Variants in LY9 observed in about 807,000 individuals in gnomAD.
The protein encoded by LY9 is lymphocyte antigen 9.
In LY9, 59 loss-of-function variants were observed where a neutral mutation model predicts 64.6. The ratio of observed to expected loss-of-function variants is 0.91; its 90% CI spans 0.74 to 1.13. LY9 has a LOEUF of 1.13. Among genes scored for constraint, LY9 ranks in the 50% most tolerant of loss-of-function variants. The probability of loss-of-function intolerance (pLI) is 0.00; values close to 1 mark genes in which losing one functional copy is unlikely to be tolerated. For synonymous variants in LY9, 281 were observed against 308.5 expected, an observed-to-expected ratio of 0.91 and a Z score of 0.93; for missense variants, 789 against 797.2, an observed-to-expected ratio of 0.99 and a Z score of 0.12.
At chr1:160,814,986 A>G in intron 4 of LY9, 1 of 566,702 alleles carries the variant, frequency 1.8e-6, no homozygotes. Flanking sequence ...CTAGGCTGCC[A>G]GTTAGGCCTC....
Position 160,827,742 on chromosome 1 carries a change from T to C in LY9, c.1900-6T>C, listed in dbSNP as rs749181869. 1 of 1,602,942 alleles carries C rather than the reference T, an allele frequency of 6.2e-7. No individual in the cohort carries two copies. Among genetic ancestry groups the C allele is most frequent in the Non-Finnish European group, 8.5e-7 (1 of 1,175,212 alleles). ...CCATATTCTTTTGTGGATTTTTGGC[T>C]CACAGGTGGTGCCACCACCACAACA... is the stretch of plus-strand genomic sequence containing the variant. On this transcript the variant is annotated splice_polypyrimidine_tract_variant and splice_region_variant and intron_variant, in intron 9 of 9. Transcript: ENST00000263285.
chr1:160,805,741 T>TCACACACACACA (rs60721619), intron 2 of LY9, among the ~76,000 whole-genome samples: 3 of 140,598 alleles, frequency 2.1e-5, no homozygotes, highest in East Asian at 2.1e-4. Context: ...TCTCTCTGTC[T>TCACACACACACA]CACACACACA....
chr1:160,805,693 T>C (rs887049309), intron 2 of LY9, among the ~76,000 whole-genome samples: 4 of 151,508 alleles, frequency 2.6e-5, no homozygotes, highest in Non-Finnish European at 4.4e-5. Context: ...GAGAGTGGAG[T>C]GCTGAAGTCC....
At chr1:160,813,978 C>T in intron 3 of LY9, 67 bp downstream of exon 3, 2 of 1,512,936 alleles carry the variant, frequency 1.3e-6, no homozygotes, top group East Asian at 4.5e-5. Flanking sequence ...GGAGTCTAAA[C>T]CCTAGGATCC....
At chr1:160,819,273 C>T in intron 6 of LY9, 48 bp from the exon 7 acceptor site, 1 of 1,423,700 alleles carries the variant, frequency 7.0e-7, no homozygotes, top group South Asian at 1.1e-5. Flanking sequence ...AAAGACACCT[C>T]TCACCTCACA....
intron 2 of LY9, 97 bp downstream of exon 2, chr1:160,800,179 C>T (rs929138955): frequency 2.3e-6 from 2 of 864,448 alleles, no homozygotes; most frequent in Non-Finnish European, 3.6e-6. Flanking sequence ...GTATATAGTG[C>T]ATACTGATCA....
chr1:160,816,923 T>A, intron 5 of LY9, 60 bp downstream of exon 5: 2 of 1,555,668 alleles, frequency 1.3e-6, no homozygotes, highest in Admixed American at 3.4e-5. Flanking sequence ...AGAGTTTGCA[T>A]CCTGACTGAT....
chr1:160,806,919 A>G (rs916283347), intron 2 of LY9, among the ~76,000 whole-genome samples: 4 of 152,018 alleles, frequency 2.6e-5, no homozygotes, highest in Non-Finnish European at 5.9e-5. Flanking sequence ...ATTCTTTTTT[A>G]TTCTTTTTAT....
intron 9 of LY9, among the ~76,000 whole-genome samples, chr1:160,826,416 C>T (rs1668856123): frequency 6.6e-6 from 1 of 152,148 alleles, no homozygotes; most frequent in African/African-American, 2.4e-5. Context: ...ACATATGTTG[C>T]ACTTATGCCT....
At chr1:160,796,345 C>T (rs1665853753) in intron 1 of LY9, 34 bp downstream of exon 1, 6 of 1,598,388 alleles carry the variant, frequency 3.8e-6, no homozygotes, top group Non-Finnish European at 4.3e-6. Context: ...CTTCTTGCTA[C>T]TGCGGTTCTT....
chr1:160,814,434 A>G lies in LY9; in HGVS notation c.745A>G (p.Arg249Gly). Residue 249 changes from arginine to glycine, a missense_variant, in exon 4 of 10, where the codon AGA becomes GGA. By Grantham distance (125) the Arg-to-Gly change is moderately radical (BLOSUM62 -2). Transcript: ENST00000263285. ...GQFCTDPGAS[R>G]GGTTGETVVG... Reference sequence around the variant, plus strand: ...TGTGACCCCAGATCCAGGAGCCTCCAGAGGAGGAACAACGGGGGAGACTGT... The same window carrying G: ...TGTGACCCCAGATCCAGGAGCCTCCGGAGGAGGAACAACGGGGGAGACTGT... 1.2e-6 allele frequency: 2 copies of G among 1,610,624 alleles called. No individual in the cohort carries two copies. The highest frequency in any genetic ancestry group is 1.7e-6 in the Non-Finnish European group (2 of 1,177,862).
chr1:160,796,382 G>T, intron 1 of LY9, 71 bp downstream of exon 1: 2 of 1,503,360 alleles, frequency 1.3e-6, no homozygotes, highest in Admixed American at 2.4e-5. Flanking sequence ...TCCCTGCCTG[G>T]GAGATTCTTT....
intron 4 of LY9, chr1:160,815,065 G>A (rs761229769): frequency 4.3e-5 from 15 of 352,132 alleles, no homozygotes; most frequent in Non-Finnish European, 6.3e-5. Context: ...AGGAGGCCAG[G>A]TGCGGTGGCT....
intron 2 of LY9, among the ~76,000 whole-genome samples, chr1:160,808,669 T>G (rs1413047436): frequency 1.3e-5 from 2 of 152,192 alleles, no homozygotes; most frequent in African/African-American, 4.8e-5. Flanking sequence ...CCTTCCCTGC[T>G]TTTAGTGTTT....
intron 2 of LY9, chr1:160,811,102 G>A (rs993480446): frequency 2.6e-5 from 4 of 152,290 alleles, no homozygotes; most frequent in African/African-American, 9.6e-5. Context: ...TGGAACCAAG[G>A]AGGAAACCAC....
chr1:160,809,301 C>T, intron 2 of LY9, among the ~76,000 whole-genome samples: 1 of 150,830 alleles, frequency 6.6e-6, no homozygotes. Context: ...ACTACAGGTA[C>T]TTGCCACCAT....
chr1:160,802,087 TGG>T, intron 2 of LY9: 1 of 1,333,798 alleles, frequency 7.5e-7, no homozygotes, highest in Non-Finnish European at 9.7e-7. Flanking sequence ...CCGCCTCCCA[TGG>T]CACGTCGGGA....
intron 7 of LY9, among the ~76,000 whole-genome samples, chr1:160,823,146 A>T (rs1668605952): frequency 6.6e-6 from 1 of 152,230 alleles, no homozygotes; most frequent in Admixed American, 6.5e-5. Context: ...CTCCAGGGCC[A>T]GGTCTAATTT....
chr1:160,808,586 C>T (rs1292512181), intron 2 of LY9, among the ~76,000 whole-genome samples: 7 of 152,146 alleles, frequency 4.6e-5, no homozygotes, highest in Admixed American at 2.6e-4. Flanking sequence ...GGAGGTCTCT[C>T]GCTCACCTCT....
Sources: allele counts gnomAD v4.1 joint callset (sites outside exome capture counted in the v4.1 genomes callset), GRCh38; gene constraint gnomAD v4.1.1; transcripts MANE v1.5; gene names NCBI Gene and HGNC (gene_info 2026-07-23, HGNC 2026-07-21).